Variants in SCHIP1 observed in about 807,000 individuals in gnomAD.
SCHIP1 encodes the protein schwannomin-interacting protein 1.
A neutral mutation model predicts 29.7 loss-of-function variants in SCHIP1; 8 were observed. The ratio of observed to expected loss-of-function variants is 0.27; its 90% confidence interval spans 0.16 to 0.49. SCHIP1 has a LOEUF of 0.49. Ranked by LOEUF, SCHIP1 falls within the 20% of genes least tolerant of loss-of-function variation. The pLI, the probability that SCHIP1 is intolerant of heterozygous loss-of-function variation, is 0.99. For synonymous variants in SCHIP1, 76 were observed against 94.9 expected, an observed-to-expected ratio of 0.80 and a Z score of 1.16; for missense variants, 193 against 294.6, an observed-to-expected ratio of 0.66 and a Z score of 2.52.
At chr3:159,399,938 G>A in the SCHIP1 span, among the ~76,000 whole-genome samples, 36 of 152,206 alleles carry the variant, frequency 2.4e-4, no homozygotes, top group African/African-American at 5.8e-4. Flanking sequence ...TTGGCCTCCC[G>A]AAGTGCTGAG....
chr3:159,469,223 C>T, the SCHIP1 span, among the ~76,000 whole-genome samples: 1 of 151,988 alleles, frequency 6.6e-6, no homozygotes, highest in Non-Finnish European at 1.5e-5. Context: ...AAAGTATTAC[C>T]TACATAAAAC....
chr3:159,543,062 CACACACATATAT>C, the SCHIP1 span, among the ~76,000 whole-genome samples: 8 of 149,472 alleles, frequency 5.4e-5, no homozygotes, highest in Non-Finnish European at 1.0e-4. Flanking sequence ...TGCATATGTA[CACACACATATAT>C]ATACACATGT....
At chr3:159,278,782 A>G in the SCHIP1 span, among the ~76,000 whole-genome samples, 1 of 152,194 alleles carries the variant, frequency 6.6e-6, no homozygotes, top group Non-Finnish European at 1.5e-5. Flanking sequence ...GCTATGCTGT[A>G]ACGAAGGGAT....
the SCHIP1 span, among the ~76,000 whole-genome samples, chr3:159,720,512 A>C: frequency 6.6e-6 from 1 of 152,176 alleles, no homozygotes; most frequent in Non-Finnish European, 1.5e-5. Context: ...ATTTAAATTT[A>C]AATAAGACCT....
chr3:159,288,131 G>C, the SCHIP1 span, among the ~76,000 whole-genome samples: 1 of 152,084 alleles, frequency 6.6e-6, no homozygotes, highest in African/African-American at 2.4e-5. Flanking sequence ...CATGTCATAC[G>C]AGTTCAAGTC....
chr3:159,642,249 TG>T, the SCHIP1 span, among the ~76,000 whole-genome samples: 1 of 152,136 alleles, frequency 6.6e-6, no homozygotes, highest in Admixed American at 6.6e-5. Flanking sequence ...GTATGAGTAG[TG>T]ATAAGAGTAA....
the SCHIP1 span, among the ~76,000 whole-genome samples, chr3:159,759,907 T>C: frequency 7.4e-4 from 112 of 152,356 alleles, no homozygotes; most frequent in African/African-American, 2.6e-3. Context: ...ATTTCAATCA[T>C]GTCCTTTCTC....
the SCHIP1 span, among the ~76,000 whole-genome samples, chr3:159,529,368 T>C: frequency 1.3e-5 from 2 of 152,230 alleles, no homozygotes; most frequent in African/African-American, 4.8e-5. Flanking sequence ...TCCCAAGGCA[T>C]AAATTAAAAG....
the SCHIP1 span, among the ~76,000 whole-genome samples, chr3:159,491,198 T>C: frequency 6.6e-6 from 1 of 152,128 alleles, no homozygotes; most frequent in Non-Finnish European, 1.5e-5. Flanking sequence ...AACGGGTAAT[T>C]TCTGCATTTC....
At chr3:159,408,400 T>TAA in the SCHIP1 span, among the ~76,000 whole-genome samples, 86,927 of 147,460 alleles carry the variant, frequency 0.59, 26,062 homozygotes, top group Non-Finnish European at 0.65. Context: ...TTTGCAATGA[T>TAA]AAAAAAAAAA....
chr3:159,854,827 T>C (rs1047869452), intron 1 of SCHIP1, among the ~76,000 whole-genome samples: 2 of 152,208 alleles, frequency 1.3e-5, no homozygotes, highest in Non-Finnish European at 2.9e-5. Context: ...CCATTGCTAA[T>C]GCATTAACAA....
At chr3:159,384,656 A>G in the SCHIP1 span, among the ~76,000 whole-genome samples, 2,451 of 151,408 alleles carry the variant, frequency 0.016, 56 homozygotes, top group African/African-American at 0.056. Context: ...CTCTTTTTCT[A>G]TTGATTGGAA....
chr3:159,573,270 T>C, the SCHIP1 span, among the ~76,000 whole-genome samples: 1 of 152,228 alleles, frequency 6.6e-6, no homozygotes, highest in Non-Finnish European at 1.5e-5. Flanking sequence ...TTTCCATGTT[T>C]AGTGCTTCCT....
the SCHIP1 span, among the ~76,000 whole-genome samples, chr3:159,457,968 T>C: frequency 2.6e-5 from 4 of 152,182 alleles, no homozygotes; most frequent in Non-Finnish European, 5.9e-5. Context: ...AAAGGAGCAC[T>C]ACTGTATTTT....
At chr3:159,471,853 T>C in the SCHIP1 span, among the ~76,000 whole-genome samples, 1 of 152,160 alleles carries the variant, frequency 6.6e-6, no homozygotes, top group South Asian at 2.1e-4. Context: ...AAGATGCATG[T>C]TATTTTTAAT....
At chr3:159,439,569 G>A in the SCHIP1 span, among the ~76,000 whole-genome samples, 1 of 151,986 alleles carries the variant, frequency 6.6e-6, no homozygotes, top group South Asian at 2.1e-4. Flanking sequence ...GATTTGGGTG[G>A]GGACACAAAG....
the SCHIP1 span, among the ~76,000 whole-genome samples, chr3:159,651,555 A>G: frequency 6.6e-6 from 1 of 152,210 alleles, no homozygotes; most frequent in Non-Finnish European, 1.5e-5. Flanking sequence ...TATTGCCTCA[A>G]TCACATTAAA....
the SCHIP1 span, among the ~76,000 whole-genome samples, chr3:159,423,062 T>C: frequency 6.6e-6 from 1 of 152,170 alleles, no homozygotes; most frequent in Non-Finnish European, 1.5e-5. Flanking sequence ...GAATATGTCA[T>C]GGCAGGGGGA....
At chr3:159,605,685 T>C in the SCHIP1 span, among the ~76,000 whole-genome samples, 1 of 152,190 alleles carries the variant, frequency 6.6e-6, no homozygotes, top group Admixed American at 6.5e-5. Context: ...AAGTTTGAGA[T>C]AGTACAGATA....
Sources: gnomAD v4.1 joint callset for allele counts (sites outside exome capture counted in the v4.1 genomes callset) on GRCh38, gnomAD v4.1.1 for gene constraint, MANE v1.5 for transcripts, NCBI Gene and HGNC (gene_info 2026-07-23, HGNC 2026-07-21) for gene names.